The following KCNN2 variants were observed in gnomAD, a reference collection of about 807,000 sequenced individuals.
KCNN2 encodes small conductance calcium-activated potassium channel protein 2.
A neutral mutation model predicts 55.5 loss-of-function variants in KCNN2; 24 were observed. The observed-to-expected ratio is 0.43, with a 90% CI of 0.31 to 0.61. The LOEUF is 0.61. Ranked by LOEUF, KCNN2 falls within the 20% of genes least tolerant of loss-of-function variation. The pLI, the probability that KCNN2 is intolerant of heterozygous loss-of-function variation, is 0.08. For missense variants in KCNN2, 754 were observed against 853.6 expected, an observed-to-expected ratio of 0.88 and a Z score of 1.45; for synonymous variants, 431 against 336.1, an observed-to-expected ratio of 1.28 and a Z score of -3.09.
intron 2 of KCNN2, among the ~76,000 whole-genome samples, chr5:114,401,024 G>A (rs1758773360): frequency 6.8e-6 from 1 of 147,864 alleles, no homozygotes; most frequent in Admixed American, 6.8e-5. Context: ...TAGTTTCAAT[G>A]GGCAGATTCT....
chr5:114,203,417 A>AT (rs139103895), intron 1 of KCNN2, among the ~76,000 whole-genome samples: 10 of 151,806 alleles, frequency 6.6e-5, no homozygotes, highest in African/African-American at 1.9e-4. Flanking sequence ...GAAAATCTTC[A>AT]TTTTTTTTAG....
At chr5:114,182,869 T>G (rs1753265947) in intron 1 of KCNN2, among the ~76,000 whole-genome samples, 1 of 152,138 alleles carries the variant, frequency 6.6e-6, no homozygotes. Flanking sequence ...TTTTTCTTAT[T>G]TTATTGCAAT....
At position 114,092,356 on chromosome 5, in the gene KCNN2, C is replaced by T. The variant is rs567305983; in HGVS notation, c.-271+35856C>T. Among the ~76,000 whole-genome samples, 7 of 152,324 alleles carry T rather than the reference C, an allele frequency of 4.6e-5. No individual in the cohort carries two copies. The South Asian group carries it at 6.2e-4, about 14-fold the overall frequency. The stretch of plus-strand genomic sequence containing the variant: ...GGTGGGCTCCCATGGCCTTGGGCAG[C>T]TCAGCCCCTGTGGCTCTGAAGGGTA... On this transcript the variant is annotated intron_variant, in intron 1 of 10. Coordinates refer to the KCNN2 transcript ENST00000512097.
intron 1 of KCNN2, among the ~76,000 whole-genome samples, chr5:114,193,595 G>A (rs76953061): frequency 6.6e-6 from 1 of 152,110 alleles, no homozygotes; most frequent in Non-Finnish European, 1.5e-5. Context: ...AACCAAAGCT[G>A]TAACCAAGGA....
chr5:114,221,047 T>C (rs74807810), intron 1 of KCNN2, among the ~76,000 whole-genome samples: 2,911 of 152,314 alleles, frequency 0.019, 86 homozygotes, highest in African/African-American at 0.066. Flanking sequence ...AATTCAACTC[T>C]GTATGCATTA....
At chr5:114,162,670 A>T (rs1337324015) in intron 1 of KCNN2, among the ~76,000 whole-genome samples, 2 of 152,038 alleles carry the variant, frequency 1.3e-5, no homozygotes, top group African/African-American at 4.8e-5. Context: ...CTTCCTGGTC[A>T]CTTTGTTTAC....
At chr5:114,157,486 A>G (rs1561500462) in intron 1 of KCNN2, among the ~76,000 whole-genome samples, 1 of 152,182 alleles carries the variant, frequency 6.6e-6, no homozygotes, top group Non-Finnish European at 1.5e-5. Flanking sequence ...GTGTCTTTAT[A>G]GCAGCATGAT....
chr5:114,453,323 C>T (rs1177059752), intron 3 of KCNN2, among the ~76,000 whole-genome samples: 5 of 152,152 alleles, frequency 3.3e-5, no homozygotes, highest in Non-Finnish European at 7.3e-5. Flanking sequence ...GCATTGCCTA[C>T]CTCTTTTCCT....
chr5:114,192,682 C>A (rs1580606183), intron 1 of KCNN2, among the ~76,000 whole-genome samples: 1 of 152,098 alleles, frequency 6.6e-6, no homozygotes, highest in South Asian at 2.1e-4. Flanking sequence ...TGGAAATAAT[C>A]TTTGTATGGC....
intron 2 of KCNN2, among the ~76,000 whole-genome samples, chr5:114,372,336 A>T (rs1757785478): frequency 6.6e-6 from 1 of 152,184 alleles, no homozygotes; most frequent in Non-Finnish European, 1.5e-5. Context: ...TTGTTGAGCC[A>T]TCTGCTCATC....
chr5:114,070,406 G>C (rs1750544103), intron 1 of KCNN2, among the ~76,000 whole-genome samples: 1 of 152,168 alleles, frequency 6.6e-6, no homozygotes, highest in South Asian at 2.1e-4. Flanking sequence ...CTTTACCTGA[G>C]CTATTCTTTA....
intron 4 of KCNN2, among the ~76,000 whole-genome samples, chr5:114,469,445 T>A (rs890981728): frequency 6.6e-6 from 1 of 152,134 alleles, no homozygotes; most frequent in African/African-American, 2.4e-5. Flanking sequence ...TTTGCTTAAG[T>A]TTTTTCTAAG....
At chr5:114,314,564 A>C (rs1400563124) in intron 2 of KCNN2, among the ~76,000 whole-genome samples, 1 of 152,100 alleles carries the variant, frequency 6.6e-6, no homozygotes, top group Non-Finnish European at 1.5e-5. Flanking sequence ...TTTCACTTTA[A>C]AAATTTTTTA....
intron 2 of KCNN2, among the ~76,000 whole-genome samples, chr5:114,319,575 A>C (rs1756574038): frequency 1.3e-5 from 2 of 152,162 alleles, no homozygotes; most frequent in Non-Finnish European, 1.5e-5. Flanking sequence ...CTAGAAAATC[A>C]TTGTTTTATA....
rs755055651 is a variant in KCNN2 at position 114,493,456 on chromosome 5, T to C, written c.2072T>C (p.Leu691Ser). 2 of 1,610,656 alleles carry C rather than the reference T, an allele frequency of 1.2e-6. No homozygotes were observed. The highest frequency in any genetic ancestry group is 1.7e-6 in the Non-Finnish European group (2 of 1,176,964). Reference protein sequence around the residue: ...QRKLNDQANTLVDLAKTQNIM... With the variant: ...QRKLNDQANTSVDLAKTQNIM... Reference sequence around the variant, plus strand: ...AAACTGAATGACCAAGCAAACACTTTGGTGGACTTGGCAAAGGTAAGCCTG... The same window carrying C: ...AAACTGAATGACCAAGCAAACACTTCGGTGGACTTGGCAAAGGTAAGCCTG... Residue 691 changes from leucine to serine, a missense_variant, in exon 7 of 8, where the codon TTG becomes TCG. Around this residue, in one of 4 missense-constraint regions of KCNN2, gnomAD observed 164 missense variants for 156.6 expected, o/e 1.05. Coordinates refer to ENST00000673685, the MANE Select transcript of KCNN2 (RefSeq NM_021614.4).
At chr5:114,096,634 G>A (rs1046041536) in intron 1 of KCNN2, among the ~76,000 whole-genome samples, 17 of 151,938 alleles carry the variant, frequency 1.1e-4, no homozygotes, top group Non-Finnish European at 4.4e-5. Context: ...GCCCCAGGAA[G>A]GTCCCTCTCT....
intron 2 of KCNN2, among the ~76,000 whole-genome samples, chr5:114,404,236 A>G (rs552584748): frequency 1.3e-5 from 2 of 152,358 alleles, no homozygotes; most frequent in African/African-American, 4.8e-5. Flanking sequence ...GCTCCTGAGT[A>G]CCAAGTTTTT....
intron 1 of KCNN2, among the ~76,000 whole-genome samples, chr5:114,116,016 A>C (rs982826313): frequency 1.3e-5 from 2 of 151,970 alleles, no homozygotes; most frequent in African/African-American, 4.8e-5. Context: ...CTGTGAATAA[A>C]GGAGGGAGAA....
chr5:114,341,613 G>T (rs1012284705), intron 2 of KCNN2, among the ~76,000 whole-genome samples: 1 of 151,968 alleles, frequency 6.6e-6, no homozygotes, highest in Non-Finnish European at 1.5e-5. Flanking sequence ...TCAGGATATG[G>T]TTCCTTTATC....
Sources: allele counts gnomAD v4.1 joint callset (sites outside exome capture counted in the v4.1 genomes callset), GRCh38; gene constraint gnomAD v4.1.1; regional missense constraint gnomAD v4.1.1; transcripts MANE v1.5; gene names NCBI Gene and HGNC (gene_info 2026-07-23, HGNC 2026-07-21).